The following NR3C2 variants were observed in gnomAD, a reference collection of about 807,000 sequenced individuals.
NR3C2 encodes nuclear receptor subfamily 3 group C member 2.
Under a neutral mutation model 86.4 loss-of-function variants are expected in NR3C2, and 15 were observed. That is an observed-to-expected ratio of 0.17 (90% confidence interval 0.12 to 0.27). NR3C2 has a LOEUF of 0.27. Among genes scored for constraint, NR3C2 ranks in the 10% least tolerant of loss-of-function variants. The pLI is 1.00. For missense variants in NR3C2, 960 were observed against 1,195.6 expected (o/e 0.80, Z 2.91); for synonymous variants, 458 against 450.5 (o/e 1.02, Z -0.21).
chr4:148,338,567 A>C (rs998153282), intron 2 of NR3C2, among the ~76,000 whole-genome samples: 3 of 152,206 alleles, frequency 2.0e-5, no homozygotes, highest in African/African-American at 7.2e-5. Flanking sequence ...GGGGTTATGC[A>C]GCTAAAATAC....
At chr4:148,205,888 G>A (rs1269898658) in intron 3 of NR3C2, among the ~76,000 whole-genome samples, 1 of 152,110 alleles carries the variant, frequency 6.6e-6, no homozygotes, top group Non-Finnish European at 1.5e-5. Flanking sequence ...AAAAAAAAAT[G>A]TTGTCAGAAG....
intron 2 of NR3C2, among the ~76,000 whole-genome samples, chr4:148,361,755 G>C (rs1745848633): frequency 6.6e-6 from 1 of 152,054 alleles, no homozygotes. Context: ...ACTTTTAATG[G>C]TTACTGAGGT....
At chr4:148,199,433 T>C (rs1736605387) in intron 3 of NR3C2, among the ~76,000 whole-genome samples, 1 of 152,216 alleles carries the variant, frequency 6.6e-6, no homozygotes. Flanking sequence ...TGGAAAGTTA[T>C]AACTTCCTTG....
chr4:148,389,320 A>G (rs1433786412), intron 2 of NR3C2, among the ~76,000 whole-genome samples: 1 of 152,212 alleles, frequency 6.6e-6, no homozygotes, highest in Non-Finnish European at 1.5e-5. Context: ...TAGGAATAGA[A>G]AGATGGCAGG....
chr4:148,378,155 T>G (rs1746772835), intron 2 of NR3C2, among the ~76,000 whole-genome samples: 1 of 152,130 alleles, frequency 6.6e-6, no homozygotes, highest in Admixed American at 6.6e-5. Flanking sequence ...TACAATCTGG[T>G]TGCTGGGGGC....
At chr4:148,269,326 A>T (rs1043407519) in intron 2 of NR3C2, among the ~76,000 whole-genome samples, 3 of 152,168 alleles carry the variant, frequency 2.0e-5, no homozygotes, top group African/African-American at 7.2e-5. Context: ...CACCATGGGG[A>T]TGTGGTCATT....
chr4:148,230,239 G>C (rs140677871), intron 3 of NR3C2, among the ~76,000 whole-genome samples: 2,488 of 152,248 alleles, frequency 0.016, 36 homozygotes, highest in Non-Finnish European at 0.026. Context: ...TGTTGCCCAG[G>C]CTGGAGTGCA....
At chr4:148,237,900 T>G (rs746933048) in intron 3 of NR3C2, among the ~76,000 whole-genome samples, 8 of 152,154 alleles carry the variant, frequency 5.3e-5, no homozygotes, top group Non-Finnish European at 1.0e-4. Context: ...ACTTAAATAC[T>G]GGTTCTGACA....
intron 2 of NR3C2, among the ~76,000 whole-genome samples, chr4:148,281,776 T>C (rs1741257462): frequency 6.6e-6 from 1 of 152,242 alleles, no homozygotes; most frequent in South Asian, 2.1e-4. Flanking sequence ...CAGGGCATCA[T>C]GCTAAATGCT....
intron 2 of NR3C2, among the ~76,000 whole-genome samples, chr4:148,381,824 C>T (rs990049539): frequency 2.0e-5 from 3 of 152,130 alleles, no homozygotes; most frequent in African/African-American, 7.2e-5. Context: ...TCTGTTAACG[C>T]TTGTGTGTAT....
intron 2 of NR3C2, among the ~76,000 whole-genome samples, chr4:148,409,127 G>T (rs960886825): frequency 6.6e-6 from 1 of 152,086 alleles, no homozygotes; most frequent in Non-Finnish European, 1.5e-5. Flanking sequence ...AAGAAACAAG[G>T]CTCCTAGCAT....
At chr4:148,328,607 TCTC>T (rs1159523506) in intron 2 of NR3C2, among the ~76,000 whole-genome samples, 1 of 152,170 alleles carries the variant, frequency 6.6e-6, no homozygotes, top group African/African-American at 2.4e-5. Context: ...CTTCTTGTCC[TCTC>T]CTCTGTATTC....
chr4:148,305,341 AAGC>A (rs1742561509), intron 2 of NR3C2, among the ~76,000 whole-genome samples: 1 of 152,154 alleles, frequency 6.6e-6, no homozygotes, highest in African/African-American at 2.4e-5. Context: ...ACAGTGAAAA[AAGC>A]AGCAACAGTC....
chr4:148,372,078 A>T (rs1025945017), intron 2 of NR3C2, among the ~76,000 whole-genome samples: 3 of 152,210 alleles, frequency 2.0e-5, no homozygotes, highest in Non-Finnish European at 4.4e-5. Flanking sequence ...GCGGACTCTA[A>T]AACTTGAAGT....
intron 2 of NR3C2, among the ~76,000 whole-genome samples, chr4:148,318,446 G>A (rs369403168): frequency 6.7e-5 from 10 of 148,814 alleles, no homozygotes; most frequent in Middle Eastern, 3.2e-3. Context: ...CTGAGGAATC[G>A]CCACACTGAC....
chr4:148,235,295 A>C (rs1052506217), intron 3 of NR3C2, among the ~76,000 whole-genome samples: 1 of 132,008 alleles, frequency 7.6e-6, no homozygotes, highest in Non-Finnish European at 1.8e-5. Context: ...TAAGATTCCT[A>C]TCTCTTACAG....
chr4:148,215,778 T>C (rs1056818198), intron 3 of NR3C2, among the ~76,000 whole-genome samples: 7 of 128,676 alleles, frequency 5.4e-5, no homozygotes, highest in African/African-American at 1.3e-4. Context: ...TTTTGAGGCA[T>C]AGTTTTTTTT....
intron 2 of NR3C2, among the ~76,000 whole-genome samples, chr4:148,357,666 C>G (rs1745617348): frequency 6.6e-6 from 1 of 152,112 alleles, no homozygotes; most frequent in South Asian, 2.1e-4. Context: ...AACAAAGCCT[C>G]CACCAAAGGC....
intron 8 of NR3C2, among the ~76,000 whole-genome samples, chr4:148,104,329 G>GTTTTGGTT (rs1553985371): frequency 7.2e-5 from 9 of 124,400 alleles, no homozygotes; most frequent in African/African-American, 2.6e-4. Context: ...TTGTTTTTTT[G>GTTTTGGTT]TGTTTTGGTT....
Sources: gnomAD v4.1 joint callset for allele counts (sites outside exome capture counted in the v4.1 genomes callset) on GRCh38, gnomAD v4.1.1 for gene constraint, MANE v1.5 for transcripts, NCBI Gene and HGNC (gene_info 2026-07-23, HGNC 2026-07-21) for gene names.